SLC8A3: variants seen among roughly 807,000 people sequenced by gnomAD.
SLC8A3 encodes the protein sodium/calcium exchanger 3.
SLC8A3 carries 37 observed loss-of-function variants against 65.4 expected under a neutral mutation model. The observed-to-expected ratio is 0.57, with a 90% CI of 0.44 to 0.74. The LOEUF (loss-of-function observed/expected upper bound fraction) is 0.74. SLC8A3 is among the 30% of genes least tolerant of loss of function. The pLI is 0.00. For missense variants in SLC8A3, 1,112 were observed against 1,172.1 expected, an observed-to-expected ratio of 0.95 and a Z score of 0.75; for synonymous variants, 461 against 444.5, an observed-to-expected ratio of 1.04 and a Z score of -0.47.
At chr14:70,062,190 T>C (rs996041072) in intron 2 of SLC8A3, among the ~76,000 whole-genome samples, 1 of 152,118 alleles carries the variant, frequency 6.6e-6, no homozygotes, top group South Asian at 2.1e-4. Context: ...CCTAAATGTC[T>C]CTTCAGATCC....
At chr14:70,062,276 T>C (rs1252227811) in intron 2 of SLC8A3, among the ~76,000 whole-genome samples, 1 of 152,166 alleles carries the variant, frequency 6.6e-6, no homozygotes, top group Admixed American at 6.5e-5. Flanking sequence ...CCAAAGGGGC[T>C]TGTAGGGCAC....
intron 1 of SLC8A3, among the ~76,000 whole-genome samples, chr14:70,177,961 GT>G (rs1463465902): frequency 1.3e-5 from 2 of 152,210 alleles, no homozygotes; most frequent in African/African-American, 4.8e-5. Context: ...AACCAAGGCA[GT>G]GGGAAAAGGG....
chr14:70,169,194 C>T (rs539657752), intron 1 of SLC8A3, among the ~76,000 whole-genome samples: 36 of 152,246 alleles, frequency 2.4e-4, no homozygotes, highest in African/African-American at 7.5e-4. Context: ...ACTTCCTCCC[C>T]GAATGCAAGA....
intron 2 of SLC8A3, among the ~76,000 whole-genome samples, chr14:70,108,821 A>G (rs1316445172): frequency 3.9e-5 from 6 of 152,210 alleles, no homozygotes; most frequent in Admixed American, 1.3e-4. Context: ...TCTCCGCCCT[A>G]GCCACAGTCC....
At chr14:70,144,600 A>T (rs1351169464) in intron 2 of SLC8A3, among the ~76,000 whole-genome samples, 1 of 150,374 alleles carries the variant, frequency 6.7e-6, no homozygotes, top group Non-Finnish European at 1.5e-5. Context: ...CTGCACTTCC[A>T]GCCTGGGCAA....
At chr14:70,140,319 T>C (rs1467360921) in intron 2 of SLC8A3, among the ~76,000 whole-genome samples, 1 of 152,192 alleles carries the variant, frequency 6.6e-6, no homozygotes, top group Non-Finnish European at 1.5e-5. Context: ...ATCATATCAC[T>C]GCACACTTAC....
chr14:70,057,193 A>T (rs1454668899), intron 3 of SLC8A3, among the ~76,000 whole-genome samples: 1 of 152,096 alleles, frequency 6.6e-6, no homozygotes, highest in Non-Finnish European at 1.5e-5. Context: ...TAAACAAGGC[A>T]GTTCACTTTT....
intron 2 of SLC8A3, among the ~76,000 whole-genome samples, chr14:70,110,012 T>A (rs1893173152): frequency 6.6e-6 from 1 of 152,178 alleles, no homozygotes; most frequent in African/African-American, 2.4e-5. Flanking sequence ...GTAGAATACA[T>A]CTACTTTTGT....
At position 70,077,572 on chromosome 14, in the gene SLC8A3, TC is replaced by T. The variant is rs370272344; in HGVS notation, c.1785-16634del. Among the ~76,000 whole-genome samples the T allele has an allele frequency of 1.5e-4, 23 of 152,272 alleles. No individual in the cohort carries two copies. In the South Asian group the frequency reaches 4.8e-3, roughly 32 times the overall value. On this transcript the variant is annotated intron_variant, in intron 2 of 6. Coordinates refer to ENST00000356921, the MANE Select transcript of SLC8A3 (RefSeq NM_182932.3). ...GGTATCAGTATGTACTCCGGAGGGCTCCTCGACCTTGGATAAGGAGAAGTTC... is the reference window on the plus strand; with the variant it reads ...GGTATCAGTATGTACTCCGGAGGGCTCTCGACCTTGGATAAGGAGAAGTTC...
intron 2 of SLC8A3, among the ~76,000 whole-genome samples, chr14:70,151,203 G>A (rs1317248409): frequency 4.6e-5 from 7 of 151,184 alleles, no homozygotes; most frequent in South Asian, 4.2e-4. Context: ...GCAGTGAGCC[G>A]AGATCGTGCC....
At chr14:70,130,425 C>T (rs1894748420) in intron 2 of SLC8A3, among the ~76,000 whole-genome samples, 1 of 152,152 alleles carries the variant, frequency 6.6e-6, no homozygotes. Context: ...CACATGTGAG[C>T]TAGTGTGTGT....
chr14:70,124,302 C>T (rs1213287246), intron 2 of SLC8A3, among the ~76,000 whole-genome samples: 1 of 152,188 alleles, frequency 6.6e-6, no homozygotes, highest in Non-Finnish European at 1.5e-5. Context: ...CACCCCTTGC[C>T]TCTCTCTTCA....
intron 1 of SLC8A3, among the ~76,000 whole-genome samples, chr14:70,187,840 G>A (rs899592798): frequency 2.2e-4 from 33 of 152,226 alleles, no homozygotes; most frequent in African/African-American, 7.7e-4. Flanking sequence ...GGAGTCCCGA[G>A]ATTGGGGTGA....
chr14:70,124,492 C>G (rs966034755), intron 2 of SLC8A3, among the ~76,000 whole-genome samples: 1 of 152,260 alleles, frequency 6.6e-6, no homozygotes, highest in Non-Finnish European at 1.5e-5. Context: ...CTTCTCATAT[C>G]CTGATGATTC....
At chr14:70,097,993 GTCT>G (rs752742350) in intron 2 of SLC8A3, among the ~76,000 whole-genome samples, 14 of 152,280 alleles carry the variant, frequency 9.2e-5, no homozygotes, top group Middle Eastern at 3.4e-3. Flanking sequence ...CTATTGCTCT[GTCT>G]TCTTCTCTGC....
intron 1 of SLC8A3, among the ~76,000 whole-genome samples, chr14:70,169,598 T>C (rs1444077631): frequency 3.3e-5 from 5 of 149,728 alleles, no homozygotes; most frequent in Admixed American, 2.0e-4. Flanking sequence ...TGAAATGCAA[T>C]TGAAACTATT....
intron 1 of SLC8A3, among the ~76,000 whole-genome samples, chr14:70,169,166 G>A (rs961378739): frequency 3.9e-5 from 6 of 152,240 alleles, no homozygotes; most frequent in Admixed American, 3.9e-4. Context: ...CTTGAAAACT[G>A]AGCTCCCTTG....
intron 2 of SLC8A3, among the ~76,000 whole-genome samples, chr14:70,090,064 A>T (rs563778946): frequency 5.3e-5 from 8 of 151,844 alleles, no homozygotes; most frequent in African/African-American, 1.4e-4. Flanking sequence ...ATATTTTGCT[A>T]ACTGCAGCCA....
intron 2 of SLC8A3, among the ~76,000 whole-genome samples, chr14:70,120,417 T>C (rs1893977113): frequency 6.6e-6 from 1 of 152,200 alleles, no homozygotes; most frequent in Non-Finnish European, 1.5e-5. Flanking sequence ...ACACTAATCA[T>C]CATACACAAC....
Sources: allele counts gnomAD v4.1 joint callset (sites outside exome capture counted in the v4.1 genomes callset), GRCh38; gene constraint gnomAD v4.1.1; transcripts MANE v1.5; gene names NCBI Gene and HGNC (gene_info 2026-07-23, HGNC 2026-07-21).